The following CSMD1 variants were observed in gnomAD, a reference collection of about 807,000 sequenced individuals.
The protein encoded by CSMD1 is CUB and Sushi multiple domains 1, also known as CUB and sushi domain-containing protein 1.
In CSMD1, 213 loss-of-function variants were observed where a neutral mutation model predicts 417.5. The ratio of observed to expected loss-of-function variants is 0.51; its 90% CI spans 0.46 to 0.57. CSMD1 has a LOEUF of 0.57. CSMD1 is among the 20% of genes least tolerant of loss of function. The pLI, the probability that CSMD1 is intolerant of heterozygous loss-of-function variation, is 0.00. For synonymous variants in CSMD1, 2,862 were observed against 1,736.8 expected, an observed-to-expected ratio of 1.65 and a Z score of -16.11; for missense variants, 6,923 against 4,529.7, an observed-to-expected ratio of 1.53 and a Z score of -15.17.
chr8:3,798,825 T>G (rs1294908459), intron 5 of CSMD1, among the ~76,000 whole-genome samples: 1 of 152,102 alleles, frequency 6.6e-6, no homozygotes, highest in African/African-American at 2.4e-5. Flanking sequence ...TGGTTGAAAT[T>G]TAGTAAAATG....
intron 3 of CSMD1, among the ~76,000 whole-genome samples, chr8:4,357,267 TA>T (rs1420657719): frequency 6.6e-6 from 1 of 152,186 alleles, no homozygotes; most frequent in Admixed American, 6.5e-5. Context: ...GACTAAAAAG[TA>T]ACCTTATAGA....
chr8:4,731,012 T>C (rs547631698), intron 1 of CSMD1, among the ~76,000 whole-genome samples: 2 of 152,266 alleles, frequency 1.3e-5, no homozygotes, highest in South Asian at 2.1e-4. Flanking sequence ...GGTTTTAAAG[T>C]TCTAGGCCCA....
At chr8:4,090,892 T>C (rs1182791265) in intron 3 of CSMD1, among the ~76,000 whole-genome samples, 1 of 152,006 alleles carries the variant, frequency 6.6e-6, no homozygotes, top group South Asian at 2.1e-4. Flanking sequence ...TCTACATTAT[T>C]AGTAACATAA....
At chr8:4,833,941 C>A (rs1318936048) in intron 1 of CSMD1, among the ~76,000 whole-genome samples, 1 of 152,186 alleles carries the variant, frequency 6.6e-6, no homozygotes, top group Non-Finnish European at 1.5e-5. Flanking sequence ...TCCACAGCGG[C>A]CCCTGACTAG....
At chr8:3,207,607 G>GTGATTAC (rs1787056579) in intron 30 of CSMD1, among the ~76,000 whole-genome samples, 1 of 152,092 alleles carries the variant, frequency 6.6e-6, no homozygotes, top group Non-Finnish European at 1.5e-5. Flanking sequence ...AAGGCAACTT[G>GTGATTAC]TTAATGATTA....
intron 12 of CSMD1, among the ~76,000 whole-genome samples, chr8:3,435,968 T>C (rs2117039180): frequency 6.6e-6 from 1 of 152,282 alleles, no homozygotes; most frequent in Middle Eastern, 3.4e-3. Flanking sequence ...CCATTTCACT[T>C]TGCAACTTTG....
chr8:3,289,443 C>T (rs1034057538), intron 25 of CSMD1, among the ~76,000 whole-genome samples: 1 of 147,472 alleles, frequency 6.8e-6, no homozygotes, highest in Non-Finnish European at 1.5e-5. Flanking sequence ...GTCCCACCAA[C>T]AGTGTAAAAG....
In CSMD1 at chr8:3,142,626, A is replaced by C; in HGVS notation, c.6080T>G (p.Phe2027Cys). 1 of 1,614,014 alleles carries C rather than the reference A, an allele frequency of 6.2e-7. No homozygotes were observed. Among genetic ancestry groups the C allele is most frequent in the Non-Finnish European group, 8.5e-7 (1 of 1,179,888 alleles). The stretch of plus-strand genomic sequence containing the variant: ...GTAAGGTCCATTTTGAATTTCAAGG[A>C]AGTCATGATTAGCTTCGGTAGAAAA... The part of the protein sequence containing the change: ...LNFSTEANHD[F>C]LEIQNGPYHT... The change falls in exon 41 of 70, where the codon TTC becomes TGC. Residue 2027 changes from phenylalanine (F) to cysteine (C), a missense_variant. Transcript: ENST00000635120.
chr8:3,911,865 G>A (rs1318531682), intron 5 of CSMD1, among the ~76,000 whole-genome samples: 1 of 152,084 alleles, frequency 6.6e-6, no homozygotes, highest in African/African-American at 2.4e-5. Flanking sequence ...CTTCCCATCT[G>A]TGTTCCATCT....
At chr8:3,082,654 G>T (rs1272012222) in intron 49 of CSMD1, among the ~76,000 whole-genome samples, 1 of 152,172 alleles carries the variant, frequency 6.6e-6, no homozygotes, top group African/African-American at 2.4e-5. Context: ...CTTAATACTT[G>T]TATGAGGCTT....
Position 4,052,541 on chromosome 8 carries a change from C to T in CSMD1, c.416-20442G>A, listed in dbSNP as rs189402065. ...AATTTAGTTTGCTAGAACGTCAATG[C>T]ACCAAATTTGAGGAAGCAAGCTGAG... On this transcript the variant is annotated intron_variant, in intron 3 of 69. Coordinates refer to ENST00000635120, the MANE Select transcript of CSMD1 (RefSeq NM_033225.6). 3.3e-5 allele frequency among the ~76,000 whole-genome samples: 5 copies of T among 152,148 alleles called. No individual in the cohort carries two copies. In the East Asian group the frequency reaches 9.7e-4, roughly 30 times the overall value.
At chr8:4,737,151 G>C (rs1156851197) in intron 1 of CSMD1, among the ~76,000 whole-genome samples, 1 of 147,270 alleles carries the variant, frequency 6.8e-6, no homozygotes, top group Non-Finnish European at 1.5e-5. Flanking sequence ...ATATTATGCA[G>C]CCACAAAAAA....
chr8:3,936,899 A>G (rs913302325), intron 5 of CSMD1, among the ~76,000 whole-genome samples: 2 of 152,188 alleles, frequency 1.3e-5, no homozygotes, highest in Non-Finnish European at 2.9e-5. Context: ...AGAATTCCCC[A>G]TTCCAATGAT....
chr8:2,964,197 C>T (rs1010626261), intron 59 of CSMD1, among the ~76,000 whole-genome samples: 11 of 152,200 alleles, frequency 7.2e-5, no homozygotes, highest in East Asian at 1.9e-4. Context: ...AAAGAACAAC[C>T]GCTTGCATTT....
Position 3,142,501 on chromosome 8 carries a change from A to G in CSMD1, c.6205T>C (p.Ser2069Pro). ...ETLIHFYSDH[S>P]QNRQGFKLAY... is the part of the protein sequence containing the mutation. ...AGTTTAAATCCTTGCCGGTTTTGCG[A>G]ATGGTCACTATAAAAGTGGATGAGG... The change falls in exon 41 of 70, where the codon TCG (serine) becomes CCG (proline). Residue 2069 changes from serine to proline, a missense_variant. By Grantham distance (74) the Ser-to-Pro change is moderately conservative. Coordinates refer to ENST00000635120, the MANE Select transcript of CSMD1 (RefSeq NM_033225.6). 6.2e-7 allele frequency: 1 copy of G among 1,613,972 alleles called. No individual in the cohort carries two copies. The highest frequency in any genetic ancestry group is 8.5e-7 in the Non-Finnish European group (1 of 1,179,880).
At position 4,022,119 on chromosome 8, in the gene CSMD1, A is replaced by AATATAT. The variant is rs10631129; in HGVS notation, c.610+9780_610+9785dup. Among the ~76,000 whole-genome samples the AATATAT allele has an allele frequency of 1.7e-3, 242 of 144,118 alleles. 1 individual carries two copies. The highest frequency in any genetic ancestry group is 6.0e-3 in the East Asian group (30 of 5,012). The allele number at this position is 144,118 out of a possible 152,430, so 94.5% of individuals were successfully genotyped here. ...CACATATATATATGAATGGATATAG[A>AATATAT]ATATATATATATACATAAATATGTA... is the stretch of plus-strand genomic sequence containing the variant. On this transcript the variant is annotated intron_variant, in intron 4 of 69. Transcript: ENST00000635120.
chr8:3,573,518 G>A (rs1585391810), intron 10 of CSMD1, among the ~76,000 whole-genome samples: 1 of 152,058 alleles, frequency 6.6e-6, no homozygotes, highest in Non-Finnish European at 1.5e-5. Context: ...GCAACGCCCT[G>A]GAGTTTTACC....
At chr8:3,318,420 G>T (rs1279531689) in intron 23 of CSMD1, among the ~76,000 whole-genome samples, 2 of 152,120 alleles carry the variant, frequency 1.3e-5, no homozygotes, top group African/African-American at 2.4e-5. Context: ...CAGATATTTT[G>T]CTAGACGCCG....
intron 2 of CSMD1, among the ~76,000 whole-genome samples, chr8:4,562,969 A>G (rs956358500): frequency 6.6e-6 from 1 of 152,188 alleles, no homozygotes; most frequent in East Asian, 1.9e-4. Context: ...CAGGTAAGCA[A>G]AATCTATCCT....
Sources: gnomAD v4.1 joint callset for allele counts (sites outside exome capture counted in the v4.1 genomes callset) on GRCh38, gnomAD v4.1.1 for gene constraint, MANE v1.5 for transcripts, NCBI Gene and HGNC (gene_info 2026-07-23, HGNC 2026-07-21) for gene names.